Variants in DNM1 observed in about 807,000 individuals in gnomAD.
The protein encoded by DNM1 is dynamin-1.
DNM1 carries 29 observed loss-of-function variants against 104.6 expected under a neutral mutation model. The ratio of observed to expected loss-of-function variants is 0.28; its 90% CI spans 0.21 to 0.38. The LOEUF (loss-of-function observed/expected upper bound fraction) is 0.38, where lower values mean the gene tolerates loss of function less well. DNM1 is among the 10% of genes least tolerant of loss of function. The pLI, the probability that DNM1 is intolerant of heterozygous loss-of-function variation, is 1.00. For synonymous variants in DNM1, 445 were observed against 475.8 expected (o/e 0.94, Z 0.84); for missense variants, 640 against 1,189.4 (o/e 0.54, Z 6.79).
Position 128,251,660 on chromosome 9 carries a change from C to T in DNM1, c.2534+720C>T, listed in dbSNP as rs549884253. On this transcript the variant is annotated intron_variant, in intron 21 of 21. Coordinates refer to ENST00000372923, the MANE Select transcript of DNM1 (RefSeq NM_004408.4). ...ACCCCCTCCGCGACTTCTGGCCCTA[C>T]CCAGTCTAAACCAATGTGGTAGGGG... 155 of 153,450 alleles carry T rather than the reference C, an allele frequency of 1.0e-3. 5 individuals carry two copies. In the South Asian group the frequency reaches 0.02, roughly 20 times the overall value. 9.5% of individuals were successfully genotyped at this position (153,450 alleles called of 1,614,324 possible).
intron 11 of DNM1, among the ~76,000 whole-genome samples, chr9:128,236,919 TCA>T (rs1188964710): frequency 2.0e-5 from 3 of 152,196 alleles, no homozygotes; most frequent in African/African-American, 7.2e-5. Flanking sequence ...GCGTGTGCAC[TCA>T]CACACAAACA....
intron 10 of DNM1, among the ~76,000 whole-genome samples, chr9:128,231,194 C>CTTT (rs72047067): frequency 0.17 from 11,447 of 68,382 alleles, 659 homozygotes; most frequent in African/African-American, 0.19. Flanking sequence ...ATACTTTTGC[C>CTTT]TTTTTTTTTT....
chr9:128,208,141 C>A (rs190882349), intron 1 of DNM1, among the ~76,000 whole-genome samples: 1 of 152,130 alleles, frequency 6.6e-6, no homozygotes, highest in East Asian at 1.9e-4. Flanking sequence ...CTCACTGCAA[C>A]CTCCACCTCC....
chr9:128,207,952 C>G (rs943868554), intron 1 of DNM1, among the ~76,000 whole-genome samples: 1 of 152,090 alleles, frequency 6.6e-6, no homozygotes, highest in African/African-American at 2.4e-5. Context: ...GAAGGAGCAG[C>G]CTGGGAGGAA....
intron 4 of DNM1, 134 bp from the exon 5 acceptor site, chr9:128,219,854 T>G: frequency 5.0e-6 from 3 of 599,770 alleles, no homozygotes; most frequent in South Asian, 2.8e-5. Context: ...CTGTGGAAAA[T>G]GAATAAGGGG....
chr9:128,218,836 C>A lies in DNM1; in HGVS notation c.385+105C>A. The A allele has an allele frequency of 7.1e-7, 1 of 1,417,124 alleles. No individual in the cohort carries two copies. The highest frequency in any genetic ancestry group is 1.4e-5 in the South Asian group (1 of 72,242). The allele number at this position is 1,417,124 out of a possible 1,614,324, so 87.8% of individuals were successfully genotyped here. A position where few individuals can be genotyped will look rare whatever the true frequency, so the allele number is the denominator to read the frequency against. On this transcript the variant is annotated intron_variant, in intron 3 of 21. Coordinates refer to ENST00000372923, the MANE Select transcript of DNM1 (RefSeq NM_004408.4). The surrounding 1 kb of genome is among the most constrained non-coding windows in gnomAD (Gnocchi z 4.8). ...GACTCCGCCCCTAGAATGACCCTGC[C>A]TCTGCATCATCCTATTCCAAGCTCC... is the stretch of plus-strand genomic sequence containing the variant.
intron 14 of DNM1, 55 bp from the exon 15 acceptor site, chr9:128,242,177 C>A: frequency 1.0e-6 from 1 of 1,002,138 alleles, no homozygotes; most frequent in Non-Finnish European, 1.6e-6. Flanking sequence ...CTACCCCATC[C>A]CCCATGGGGA....
chr9:128,207,032 T>A (rs1463788989), intron 1 of DNM1, among the ~76,000 whole-genome samples: 1 of 151,724 alleles, frequency 6.6e-6, no homozygotes, highest in Non-Finnish European at 1.5e-5. Flanking sequence ...TTAGAGGAAG[T>A]CCTGCTGGAG....
intron 11 of DNM1, among the ~76,000 whole-genome samples, chr9:128,235,689 A>G (rs1304878038): frequency 6.6e-6 from 1 of 152,074 alleles, no homozygotes; most frequent in Admixed American, 6.6e-5. Context: ...AAAAGTGGAA[A>G]TGCTGGGCCA....
At position 128,224,758 on chromosome 9, in the gene DNM1, T is replaced by C. The variant is rs1835243944; in HGVS notation, c.1335+369T>C. Among the ~76,000 whole-genome samples the C allele has an allele frequency of 6.6e-6, 1 of 152,100 alleles. No individual in the cohort carries two copies. The highest frequency in any genetic ancestry group is 1.5e-5 in the Non-Finnish European group (1 of 68,004). ...TCCAGGGAGGGGTCTGGGGAAACCT[T>C]AGCCTTGGAGACAGGTGAAATGCAG... On this transcript the variant is annotated intron_variant, in intron 10 of 21. Coordinates refer to ENST00000372923, the MANE Select transcript of DNM1 (RefSeq NM_004408.4). This position sits in a 1 kb window ranked among gnomAD's most constrained non-coding sequence, Gnocchi z 4.3.
At chr9:128,246,904 C>T (rs2131285988) in intron 16 of DNM1, 1 of 263,748 alleles carries the variant, frequency 3.8e-6, no homozygotes, top group Middle Eastern at 1.3e-3. Context: ...CCTAGTCAGG[C>T]CTGGTCCTCT....
At chr9:128,211,229 ACT>A (rs1834273776) in intron 1 of DNM1, among the ~76,000 whole-genome samples, 1 of 151,804 alleles carries the variant, frequency 6.6e-6, no homozygotes, top group Non-Finnish European at 1.5e-5. Flanking sequence ...ACAGCATGAA[ACT>A]CTCTCCAGCC....
At chr9:128,223,048 C>A (rs1207172916) in intron 9 of DNM1, 188 bp downstream of exon 9, 5 of 612,494 alleles carry the variant, frequency 8.2e-6, no homozygotes, top group Admixed American at 3.0e-5. Flanking sequence ...CCGGGCCACC[C>A]CGCCTACTGC....
intron 1 of DNM1, among the ~76,000 whole-genome samples, chr9:128,207,999 A>G (rs1012207886): frequency 9.8e-6 from 1 of 101,812 alleles, no homozygotes; most frequent in African/African-American, 3.8e-5. Context: ...CCTACCCCCC[A>G]CCCCCAGGCT....
At chr9:128,233,925 C>T in intron 10 of DNM1, 96 bp from the exon 11 acceptor site, 3 of 1,130,580 alleles carry the variant, frequency 2.7e-6, no homozygotes, top group South Asian at 2.7e-5. Context: ...GTGTGCCTCC[C>T]ACCCTGCGCC....
intron 15 of DNM1, chr9:128,244,626 C>T (rs1353822899): frequency 5.2e-6 from 2 of 385,206 alleles, no homozygotes; most frequent in South Asian, 1.9e-5. Flanking sequence ...ATCTGTGCCT[C>T]CTCCCAGCCC....
In DNM1 at chr9:128,250,129, C is replaced by A; in HGVS notation, c.2091C>A (p.Ile697=). 6.2e-7 allele frequency: 1 copy of A among 1,614,184 alleles called. No homozygotes were observed. Among genetic ancestry groups the A allele is most frequent in the Non-Finnish European group, 8.5e-7 (1 of 1,180,006 alleles). The stretch of plus-strand genomic sequence containing the variant: ...CCTACTCGCAGACCAAGGAGTTCAT[C>A]TTCTCGGAGCTGCTGGCCAACCTGT... ...HLMINNTKEF[I]FSELLANLYS... The change falls in exon 20 of 22, where the codon ATC becomes ATA. Residue 697 remains isoleucine, a synonymous_variant. Transcript: ENST00000372923.
In DNM1 at chr9:128,220,742, C is replaced by CGCGTGTGTGT. The variant is rs61020870; in HGVS notation, c.849+402_849+403insCGTGTGTGTG. ...CAGAACTGAAGTGCGCGCGCGCGCG[C>CGCGTGTGTGT]GTGTGTGTGTGTGTGTGTGTGTGTG... On this transcript the variant is annotated intron_variant, in intron 6 of 21. Coordinates refer to ENST00000372923, the MANE Select transcript of DNM1 (RefSeq NM_004408.4). The surrounding 1 kb of genome is among the most constrained non-coding windows in gnomAD (Gnocchi z 5.2). Among the ~76,000 whole-genome samples, 8 of 136,362 alleles carry CGCGTGTGTGT rather than the reference C, an allele frequency of 5.9e-5. No homozygotes were observed. The highest frequency in any genetic ancestry group is 2.8e-4 in the South Asian group (1 of 3,542). The allele number at this position is 136,362 out of a possible 152,430, so 89.5% of individuals were successfully genotyped here.
rs912956577 is a variant in DNM1 at position 128,243,130 on chromosome 9, T to A, written c.1671+785T>A. ...CCCTCAGGCTGAGGGGCAAGGAGTG[T>A]GGGGGCCCTGCCGAGGTGCCACAAA... is the stretch of plus-strand genomic sequence containing the variant. On this transcript the variant is annotated intron_variant, in intron 15 of 21. Coordinates refer to ENST00000372923, the MANE Select transcript of DNM1 (RefSeq NM_004408.4). The surrounding 1 kb of genome is among the most constrained non-coding windows in gnomAD (Gnocchi z 4.0). Among the ~76,000 whole-genome samples the A allele has an allele frequency of 1.7e-4, 26 of 152,044 alleles. No individual in the cohort carries two copies. Among genetic ancestry groups the A allele is most frequent in the African/African-American group, 5.8e-4 (24 of 41,384 alleles).
Sources: allele counts gnomAD v4.1 joint callset (sites outside exome capture counted in the v4.1 genomes callset), GRCh38; gene constraint gnomAD v4.1.1; non-coding constraint Gnocchi (gnomAD v3.1); transcripts MANE v1.5; gene names NCBI Gene and HGNC (gene_info 2026-07-23, HGNC 2026-07-21).